The following LOC122539214 variants were observed in gnomAD, a reference collection of about 807,000 sequenced individuals.
the LOC122539214 span, chr19:52,655,671 C>T: frequency 0.47 from 580,435 of 1,223,828 alleles, 142,483 homozygotes; most frequent in East Asian, 0.74. Context: ...AGCCACATCC[C>T]TGAAAGTCAA....
chr19:52,689,115 A>G, the LOC122539214 span, among the ~76,000 whole-genome samples: 3 of 152,136 alleles, frequency 2.0e-5, no homozygotes, highest in African/African-American at 4.8e-5. Context: ...AAGATATGTT[A>G]TGCTATAGAT....
At chr19:52,654,225 A>C in the LOC122539214 span, 1 of 1,580,476 alleles carries the variant, frequency 6.3e-7, no homozygotes, top group Non-Finnish European at 8.7e-7. Context: ...CTTCATGGCC[A>C]TTTCTTTTAA....
the LOC122539214 span, among the ~76,000 whole-genome samples, chr19:52,657,010 C>T: frequency 3.3e-5 from 5 of 151,966 alleles, no homozygotes; most frequent in East Asian, 1.9e-4. Flanking sequence ...CAGCTACTCA[C>T]GAGGCTGAGG....
At chr19:52,668,131 C>G in the LOC122539214 span, among the ~76,000 whole-genome samples, 6 of 152,178 alleles carry the variant, frequency 3.9e-5, no homozygotes, top group African/African-American at 1.4e-4. Flanking sequence ...AGCACAGGCG[C>G]CAGCTTCGGA....
the LOC122539214 span, among the ~76,000 whole-genome samples, chr19:52,686,713 C>T: frequency 0.7 from 105,836 of 151,822 alleles, 38,325 homozygotes; most frequent in African/African-American, 0.91. Flanking sequence ...GCTGGAACTA[C>T]AGGTGCACGC....
chr19:52,661,097 T>C, the LOC122539214 span, among the ~76,000 whole-genome samples: 1 of 152,042 alleles, frequency 6.6e-6, no homozygotes, highest in Non-Finnish European at 1.5e-5. Context: ...TCTCCTGACC[T>C]TGAGATCTGC....
the LOC122539214 span, among the ~76,000 whole-genome samples, chr19:52,683,438 C>T: frequency 2.0e-5 from 3 of 150,864 alleles, no homozygotes; most frequent in East Asian, 1.9e-4. Context: ...CCAGCTCCTC[C>T]GGAACAGAAC....
chr19:52,679,046 T>G, the LOC122539214 span, among the ~76,000 whole-genome samples: 1 of 151,958 alleles, frequency 6.6e-6, no homozygotes, highest in South Asian at 2.1e-4. Context: ...TTAATAAGAT[T>G]GATGAAAACC....
the LOC122539214 span, among the ~76,000 whole-genome samples, chr19:52,682,856 G>A: frequency 2.6e-5 from 4 of 152,010 alleles, no homozygotes; most frequent in Non-Finnish European, 4.4e-5. Context: ...GCCACAGAGC[G>A]ACACCTTCTC....
chr19:52,681,245 T>A, the LOC122539214 span, among the ~76,000 whole-genome samples: 1 of 126,792 alleles, frequency 7.9e-6, no homozygotes, highest in Non-Finnish European at 1.6e-5. Flanking sequence ...ATCACACCAC[T>A]GCACTCCAGC....
chr19:52,666,251 G>A, the LOC122539214 span, among the ~76,000 whole-genome samples: 1 of 151,648 alleles, frequency 6.6e-6, no homozygotes, highest in Non-Finnish European at 1.5e-5. Flanking sequence ...GAGAGAGGGA[G>A]AAAGAGACAG....
the LOC122539214 span, chr19:52,652,441 G>GAA: frequency 5.2e-6 from 2 of 384,626 alleles, no homozygotes; most frequent in Admixed American, 3.4e-5. Flanking sequence ...TCTGAAAAAA[G>GAA]AAAAAAAAAT....
chr19:52,657,600 C>A, the LOC122539214 span, among the ~76,000 whole-genome samples: 2 of 152,192 alleles, frequency 1.3e-5, no homozygotes, highest in Non-Finnish European at 2.9e-5. Flanking sequence ...GTAATCCCAG[C>A]ACTTTGGGAT....
chr19:52,676,172 G>A, the LOC122539214 span, among the ~76,000 whole-genome samples: 2 of 152,174 alleles, frequency 1.3e-5, no homozygotes, highest in East Asian at 1.9e-4. Context: ...TGGTGGAGAC[G>A]GGGTTTCGCT....
chr19:52,689,602 T>G, the LOC122539214 span, among the ~76,000 whole-genome samples: 2 of 152,316 alleles, frequency 1.3e-5, no homozygotes, highest in East Asian at 1.9e-4. Flanking sequence ...TTCTCTACAT[T>G]TCTGCACTTG....
the LOC122539214 span, among the ~76,000 whole-genome samples, chr19:52,683,005 A>G: frequency 1.3e-5 from 2 of 151,918 alleles, no homozygotes; most frequent in Non-Finnish European, 2.9e-5. Context: ...TGAGTAGCTG[A>G]GATTATAGGC....
the LOC122539214 span, among the ~76,000 whole-genome samples, chr19:52,690,253 G>C: frequency 6.6e-6 from 1 of 151,972 alleles, no homozygotes; most frequent in East Asian, 1.9e-4. Context: ...AGAAAGACAG[G>C]GGATGGGACC....
the LOC122539214 span, among the ~76,000 whole-genome samples, chr19:52,687,637 A>ATG: frequency 1.7e-4 from 3 of 17,358 alleles, 1 homozygote; most frequent in East Asian, 2.1e-3. Flanking sequence ...TATAATGTAT[A>ATG]TATATATATA....
chr19:52,689,001 T>C, the LOC122539214 span, among the ~76,000 whole-genome samples: 1 of 151,522 alleles, frequency 6.6e-6, no homozygotes, highest in Non-Finnish European at 1.5e-5. Flanking sequence ...GTTACTCTTT[T>C]TCCAGGCTTC....
Sources: allele counts gnomAD v4.1 joint callset (sites outside exome capture counted in the v4.1 genomes callset), GRCh38; gene constraint gnomAD v4.1.1; transcripts MANE v1.5.